UBE3A: variants seen among roughly 807,000 people sequenced by gnomAD.
The protein encoded by UBE3A is ubiquitin protein ligase E3A, also known as ubiquitin-protein ligase E3A.
UBE3A carries 6 observed loss-of-function variants against 83.4 expected under a neutral mutation model. That is an observed-to-expected ratio of 0.07 (90% CI 0.04 to 0.14). The LOEUF (loss-of-function observed/expected upper bound fraction) is 0.14, where lower values mean the gene tolerates loss of function less well. UBE3A is among the 10% of genes least tolerant of loss of function. UBE3A has a pLI of 1.00. For synonymous variants in UBE3A, 337 were observed against 355.4 expected (o/e 0.95, Z 0.58); for missense variants, 456 against 1,036.1 (o/e 0.44, Z 7.69).
At chr15:25,410,417 G>T (rs774223837) in intron 2 of UBE3A, among the ~76,000 whole-genome samples, 5 of 152,090 alleles carry the variant, frequency 3.3e-5, no homozygotes, top group African/African-American at 1.2e-4. Flanking sequence ...AGTATCAAAA[G>T]ATCATTTTGT....
intron 4 of UBE3A, 62 bp downstream of exon 4, chr15:25,405,399 A>G: frequency 6.5e-7 from 1 of 1,533,376 alleles, no homozygotes; most frequent in Non-Finnish European, 9.0e-7. Context: ...AATGTGACGT[A>G]ATTTAAAGCA....
chr15:25,373,298 A>G (rs2152833736), intron 5 of UBE3A, among the ~76,000 whole-genome samples: 1 of 152,324 alleles, frequency 6.6e-6, no homozygotes, highest in Non-Finnish European at 1.5e-5. Context: ...TTGCTTCCTG[A>G]GCAAGTCATA....
chr15:25,433,140 T>C (rs1219220592), intron 1 of UBE3A, among the ~76,000 whole-genome samples: 2 of 152,046 alleles, frequency 1.3e-5, no homozygotes, highest in African/African-American at 2.4e-5. Flanking sequence ...GGAGTTCACA[T>C]ATTTAAAATG....
intron 8 of UBE3A, 79 bp downstream of exon 8, chr15:25,356,612 T>A (rs1486365533): frequency 7.0e-7 from 1 of 1,423,486 alleles, no homozygotes; most frequent in African/African-American, 1.4e-5. Context: ...ACAAAAACTT[T>A]AAAATTTTGA....
rs1339892844 is a variant in UBE3A at position 25,371,966 on chromosome 15, AAAC to A, written c.362-157_362-155del. ...AAAGTATCTAATACTTAGATTCAGC[AAAC>A]AAAATTTAATGCTTACCTATTTTTT... On this transcript the variant is annotated intron_variant, in intron 5 of 12. Transcript: ENST00000648336. The surrounding 1 kb of genome is among the most constrained non-coding windows in gnomAD (Gnocchi z 5.3). Among the ~76,000 whole-genome samples, 1 of 152,204 alleles carries A rather than the reference AAAC, an allele frequency of 6.6e-6. No homozygotes were observed. Among genetic ancestry groups the A allele is most frequent in the East Asian group, 1.9e-4 (1 of 5,196 alleles).
chr15:25,402,418 C>G (rs2087372844), intron 4 of UBE3A, among the ~76,000 whole-genome samples: 1 of 152,170 alleles, frequency 6.6e-6, no homozygotes, highest in African/African-American at 2.4e-5. Flanking sequence ...AAGGGGCTGG[C>G]CAAGTACTGG....
chr15:25,385,134 C>T (rs148021119), intron 4 of UBE3A, among the ~76,000 whole-genome samples: 8 of 152,178 alleles, frequency 5.3e-5, no homozygotes, highest in African/African-American at 1.9e-4. Context: ...AAAATTTCTA[C>T]AAAGCAAACA....
intron 11 of UBE3A, among the ~76,000 whole-genome samples, chr15:25,342,398 T>C (rs1393830410): frequency 6.6e-6 from 1 of 152,098 alleles, no homozygotes; most frequent in Non-Finnish European, 1.5e-5. Context: ...GAGCTGTTTC[T>C]TTGGACTTTT....
intron 4 of UBE3A, among the ~76,000 whole-genome samples, chr15:25,376,119 T>G (rs926884348): frequency 2.0e-5 from 3 of 152,162 alleles, no homozygotes; most frequent in Non-Finnish European, 4.4e-5. Context: ...AGTTGTAGGA[T>G]TCTATCATTT....
intron 4 of UBE3A, among the ~76,000 whole-genome samples, chr15:25,400,756 GA>G (rs1264219791): frequency 2.0e-5 from 3 of 152,114 alleles, no homozygotes; most frequent in African/African-American, 7.2e-5. Flanking sequence ...TTCAAACAGG[GA>G]CAACAATGTC....
intron 12 of UBE3A, 84 bp downstream of exon 12, chr15:25,340,001 A>G (rs1334445071): frequency 1.3e-5 from 20 of 1,551,150 alleles, no homozygotes; most frequent in Non-Finnish European, 1.7e-5. Flanking sequence ...ATGTGCTCAG[A>G]AACTATAAAG....
chr15:25,369,647 C>T (rs975024905), intron 6 of UBE3A, among the ~76,000 whole-genome samples: 1 of 152,090 alleles, frequency 6.6e-6, no homozygotes, highest in African/African-American at 2.4e-5. Context: ...AAAGTAGCAG[C>T]AATGACAGGG....
At chr15:25,404,813 T>C (rs2088076633) in intron 4 of UBE3A, among the ~76,000 whole-genome samples, 1 of 152,148 alleles carries the variant, frequency 6.6e-6, no homozygotes, top group Non-Finnish European at 1.5e-5. Context: ...TGTCCCCTAC[T>C]CCCTATGCTG....
rs2078647834 is a variant in UBE3A at position 25,364,235 on chromosome 15, AAACAGAAT to A, written c.1609-3716_1609-3709del. 7.2e-5 allele frequency among the ~76,000 whole-genome samples: 11 copies of A among 152,084 alleles called. No homozygotes were observed. In the South Asian group the frequency reaches 2.3e-3, roughly 32 times the overall value. On this transcript the variant is annotated intron_variant, in intron 6 of 12. Coordinates refer to ENST00000648336, the MANE Select transcript of UBE3A (RefSeq NM_130839.5). ...AAAATTAAAATAAATAAAATAGTAA[AAACAGAAT>A]ACATAAATAGCCTTTAAAACTATTT...
In UBE3A at chr15:25,367,421, T is replaced by C. The variant is rs553646924; in HGVS notation, c.1608+3145A>G. On this transcript the variant is annotated intron_variant, in intron 6 of 12. Coordinates refer to ENST00000648336, the MANE Select transcript of UBE3A (RefSeq NM_130839.5). ...AAATGAAAGGTGAAGTCTAAGCTCA[T>C]GTTTATCACTGTACTGTTTTCTAAG... Among the ~76,000 whole-genome samples, 6 of 152,118 alleles carry C rather than the reference T, an allele frequency of 3.9e-5. No homozygotes were observed. In the South Asian group the frequency reaches 6.2e-4, roughly 16 times the overall value.
At chr15:25,340,339 A>ATTATCAGGATAGTATC (rs2074535812) in intron 11 of UBE3A, 111 bp from the exon 12 acceptor site, 10 of 1,283,370 alleles carry the variant, frequency 7.8e-6, no homozygotes, top group Middle Eastern at 2.0e-4. Context: ...TTGGAAGTTA[A>ATTATCAGGATAGTATC]TTATCAGGAT....
At chr15:25,343,970 A>G (rs1257869970) in intron 11 of UBE3A, among the ~76,000 whole-genome samples, 2 of 152,232 alleles carry the variant, frequency 1.3e-5, no homozygotes, top group East Asian at 1.9e-4. Context: ...TTCTGTTTGG[A>G]AAGTTTTAAG....
chr15:25,386,608 C>A (rs1417548747), intron 4 of UBE3A, among the ~76,000 whole-genome samples: 1 of 151,968 alleles, frequency 6.6e-6, no homozygotes, highest in Non-Finnish European at 1.5e-5. Context: ...GATGAAGAAT[C>A]TCTGAGCTTG....
At chr15:25,407,020 CT>C (rs1231943788) in intron 3 of UBE3A, 1 of 1,286,102 alleles carries the variant, frequency 7.8e-7, no homozygotes, top group East Asian at 5.3e-5. Flanking sequence ...AAAAATTTCA[CT>C]CCACCCTCTC....
Sources: allele counts gnomAD v4.1 joint callset (sites outside exome capture counted in the v4.1 genomes callset), GRCh38; gene constraint gnomAD v4.1.1; non-coding constraint Gnocchi (gnomAD v3.1); transcripts MANE v1.5; gene names NCBI Gene and HGNC (gene_info 2026-07-23, HGNC 2026-07-21).